Variants in GABRG3 observed in about 807,000 individuals in gnomAD.
GABRG3 encodes the protein gamma-aminobutyric acid receptor subunit gamma-3.
In GABRG3, 25 loss-of-function variants were observed where a neutral mutation model predicts 48.8. The observed-to-expected ratio is 0.51, with a 90% CI of 0.37 to 0.72. GABRG3 has a LOEUF of 0.72. GABRG3 is among the 30% of genes least tolerant of loss of function. The pLI, the probability that GABRG3 is intolerant of heterozygous loss-of-function variation, is 0.00. For synonymous variants in GABRG3, 227 were observed against 217.6 expected (o/e 1.04, Z -0.38); for missense variants, 394 against 577.9 (o/e 0.68, Z 3.26).
At chr15:27,106,825 A>C (rs1897458166) in intron 3 of GABRG3, among the ~76,000 whole-genome samples, 1 of 152,054 alleles carries the variant, frequency 6.6e-6, no homozygotes, top group African/African-American at 2.4e-5. Flanking sequence ...GTTTGAAGAA[A>C]TGGACTAATT....
At chr15:27,364,499 T>C (rs547423079) in intron 5 of GABRG3, 1 of 152,180 alleles carries the variant, frequency 6.6e-6, no homozygotes, top group African/African-American at 2.4e-5. Flanking sequence ...GGACCGTAAA[T>C]GGAGATACTG....
intron 6 of GABRG3, among the ~76,000 whole-genome samples, chr15:27,518,123 G>A (rs1891066638): frequency 6.7e-6 from 1 of 148,352 alleles, no homozygotes; most frequent in South Asian, 2.1e-4. Context: ...GGCCAACACA[G>A]GTGGATCACC....
rs1895627200 is a variant in GABRG3, at chr15:27,008,469, A to ATTCCT, written c.203-18285_203-18284insTTCCT. Among the ~76,000 whole-genome samples the ATTCCT allele has an allele frequency of 3.3e-5, 5 of 152,124 alleles. No homozygotes were observed. In the South Asian group the frequency reaches 1.0e-3, roughly 32 times the overall value. On this transcript the variant is annotated intron_variant, in intron 2 of 9. Transcript: ENST00000615808. ...TTCTTCCAAATATAGATGGGATAGG[A>ATTCCT]ATCTTTTGGCTGACAATCACTCAGA...
At chr15:27,324,772 G>A (rs1400779477) in intron 3 of GABRG3, among the ~76,000 whole-genome samples, 1 of 152,192 alleles carries the variant, frequency 6.6e-6, no homozygotes, top group Non-Finnish European at 1.5e-5. Context: ...GAGCTGCTGT[G>A]CATCTTTGCT....
chr15:27,037,059 C>T (rs1347167498), intron 3 of GABRG3, among the ~76,000 whole-genome samples: 2 of 152,270 alleles, frequency 1.3e-5, no homozygotes, highest in South Asian at 2.1e-4. Flanking sequence ...GGGTGATCCT[C>T]TATAAGCCAA....
At chr15:27,317,778 T>G (rs1475266057) in intron 3 of GABRG3, among the ~76,000 whole-genome samples, 4 of 151,768 alleles carry the variant, frequency 2.6e-5, no homozygotes, top group Non-Finnish European at 5.9e-5. Flanking sequence ...AAAAAGTGAT[T>G]GAGAGGTTTT....
At chr15:27,508,223 T>C (rs1890807290) in intron 6 of GABRG3, among the ~76,000 whole-genome samples, 1 of 152,154 alleles carries the variant, frequency 6.6e-6, no homozygotes, top group Non-Finnish European at 1.5e-5. Flanking sequence ...ATTCCAGCTG[T>C]TGTTTCCTTT....
At chr15:27,227,249 G>A (rs113310876) in intron 3 of GABRG3, among the ~76,000 whole-genome samples, 5 of 152,280 alleles carry the variant, frequency 3.3e-5, no homozygotes, top group African/African-American at 1.2e-4. Context: ...GCTTTGGGAG[G>A]CCAAGGTAGG....
In GABRG3 at chr15:26,975,019, A is replaced by G. The variant is rs1349638768; in HGVS notation, c.54-1983A>G. On this transcript the variant is annotated intron_variant, in intron 1 of 9. Transcript: ENST00000615808. This position sits in a 1 kb window ranked among gnomAD's most constrained non-coding sequence, Gnocchi z 4.6. ...CTCCTGAATAGCCAGGACTACAGGC[A>G]TGTGCCACCATGCCCCGCTAATTTT... Among the ~76,000 whole-genome samples, 2 of 151,542 alleles carry G rather than the reference A, an allele frequency of 1.3e-5. No homozygotes were observed. Among genetic ancestry groups the G allele is most frequent in the Non-Finnish European group, 2.9e-5 (2 of 67,874 alleles).
chr15:27,111,466 A>T (rs1462592958), intron 3 of GABRG3, among the ~76,000 whole-genome samples: 4 of 152,096 alleles, frequency 2.6e-5, no homozygotes, highest in Non-Finnish European at 4.4e-5. Context: ...TCCAGACATG[A>T]TGTGTTGGGT....
At chr15:27,453,301 C>T (rs1403364809) in intron 5 of GABRG3, among the ~76,000 whole-genome samples, 1 of 152,162 alleles carries the variant, frequency 6.6e-6, no homozygotes, top group Non-Finnish European at 1.5e-5. Context: ...CACATACTCA[C>T]ATACGAAGGT....
intron 3 of GABRG3, among the ~76,000 whole-genome samples, chr15:27,165,594 A>G (rs1021401917): frequency 6.6e-6 from 1 of 151,692 alleles, no homozygotes; most frequent in Admixed American, 6.6e-5. Flanking sequence ...CAAGTGCATC[A>G]TTTCTGCTTG....
chr15:26,977,290 CT>C, intron 2 of GABRG3, 140 bp downstream of exon 2: 1 of 872,608 alleles, frequency 1.1e-6, no homozygotes, highest in Non-Finnish European at 1.8e-6. Context: ...CAATAGATAA[CT>C]TAGTGTGATA....
chr15:27,394,694 C>A (rs555113670), intron 5 of GABRG3, among the ~76,000 whole-genome samples: 1 of 152,034 alleles, frequency 6.6e-6, no homozygotes, highest in Non-Finnish European at 1.5e-5. Flanking sequence ...ATTTTGCCTT[C>A]GTTTTGGAAG....
intron 3 of GABRG3, among the ~76,000 whole-genome samples, chr15:27,303,851 A>T (rs1892301684): frequency 1.3e-5 from 2 of 151,648 alleles, no homozygotes; most frequent in South Asian, 2.1e-4. Flanking sequence ...AACTATATTA[A>T]CAAAGTGATT....
Position 27,191,879 on chromosome 15 carries a change from A to G in GABRG3, c.271-134930A>G, listed in dbSNP as rs1267357870. Among the ~76,000 whole-genome samples, 4 of 151,322 alleles carry G rather than the reference A, an allele frequency of 2.6e-5. No individual in the cohort carries two copies. The East Asian group carries it at 5.9e-4, about 22-fold the overall frequency. On this transcript the variant is annotated intron_variant, in intron 3 of 9. Coordinates refer to ENST00000615808, the MANE Select transcript of GABRG3 (RefSeq NM_033223.5). The stretch of plus-strand genomic sequence containing the variant: ...TGGCTGGTACCGGTTTTTCCTTTCT[A>G]TGTTTAGTGCTTCCTTCAGGAGCTC...
At chr15:27,530,661 A>T (rs973213749) in intron 9 of GABRG3, 8 of 470,926 alleles carry the variant, frequency 1.7e-5, no homozygotes, top group Admixed American at 1.4e-4. Flanking sequence ...TGCCCTTTAG[A>T]TCTCTGGTGA....
intron 3 of GABRG3, chr15:27,208,525 A>G: frequency 5.5e-6 from 1 of 181,650 alleles, no homozygotes; most frequent in Non-Finnish European, 1.2e-5. Flanking sequence ...TGCCCATGTA[A>G]ATCTTCAGGG....
intron 3 of GABRG3, among the ~76,000 whole-genome samples, chr15:27,216,757 T>TATTTATTTA (rs35463285): frequency 0.066 from 8,078 of 121,880 alleles, 518 homozygotes; most frequent in African/African-American, 0.19. Context: ...ATTTTTTATT[T>TATTTATTTA]ATTTATTTAT....
Sources: gnomAD v4.1 joint callset for allele counts (sites outside exome capture counted in the v4.1 genomes callset) on GRCh38, gnomAD v4.1.1 for gene constraint, Gnocchi (gnomAD v3.1) non-coding constraint, MANE v1.5 for transcripts, NCBI Gene and HGNC (gene_info 2026-07-23, HGNC 2026-07-21) for gene names.